Variants in IGFBPL1 observed in about 807,000 individuals in gnomAD.
IGFBPL1 encodes insulin-like growth factor-binding protein-like 1.
Under a neutral mutation model 23.9 loss-of-function variants are expected in IGFBPL1, and 20 were observed. The ratio of observed to expected loss-of-function variants is 0.84; its 90% CI spans 0.59 to 1.22. The LOEUF is 1.22. Ranked by LOEUF, IGFBPL1 falls within the 50% of genes most tolerant of loss-of-function variation. IGFBPL1 has a pLI of 0.00. For synonymous variants in IGFBPL1, 184 were observed against 171.8 expected (o/e 1.07, Z -0.56); for missense variants, 436 against 379.3 (o/e 1.15, Z -1.24).
chr9:38,415,815 G>A (rs1821593106), intron 1 of IGFBPL1, among the ~76,000 whole-genome samples: 1 of 152,116 alleles, frequency 6.6e-6, no homozygotes, highest in Non-Finnish European at 1.5e-5. Flanking sequence ...CATAGCCCCT[G>A]GGTGTCCCAG....
At chr9:38,423,913 G>C in intron 1 of IGFBPL1, 52 bp downstream of exon 1, 2 of 1,315,248 alleles carry the variant, frequency 1.5e-6, no homozygotes, top group African/African-American at 1.5e-5. Flanking sequence ...CCACACCCCA[G>C]AGGGTTGGAA....
chr9:38,423,127 C>T (rs1478344433), intron 1 of IGFBPL1, among the ~76,000 whole-genome samples: 2 of 152,106 alleles, frequency 1.3e-5, no homozygotes, highest in Non-Finnish European at 2.9e-5. Context: ...CTTAGGAAGC[C>T]GGTAAAGCAG....
At chr9:38,416,106 C>T (rs572438010) in intron 1 of IGFBPL1, among the ~76,000 whole-genome samples, 20 of 152,312 alleles carry the variant, frequency 1.3e-4, no homozygotes, top group African/African-American at 3.8e-4. Flanking sequence ...GTCCCGCCAG[C>T]GCCTCCCCAA....
At position 38,424,177 on chromosome 9, in the gene IGFBPL1, C is replaced by T; in HGVS notation, c.248G>A (p.Gly83Glu). Residue 83 changes from glycine to glutamate, a missense_variant, in exon 1 of 5, where the codon GGG (glycine) becomes GAG (glutamate). Transcript: ENST00000377694. ...EGASCGGRAG[G>E]RCGPGLVCAS... ...GCATACCAGGCCGGGGCCACAGCGCCCGCCGGCGCGGCCCCCGCAGCTCGC... is the reference window on the plus strand; with the variant it reads ...GCATACCAGGCCGGGGCCACAGCGCTCGCCGGCGCGGCCCCCGCAGCTCGC... 1 of 1,166,788 alleles carries T rather than the reference C, an allele frequency of 8.6e-7. No homozygotes were observed. The highest frequency in any genetic ancestry group is 4.0e-5 in the East Asian group (1 of 24,794). The allele number at this position is 1,166,788 out of a possible 1,614,324, so 72.3% of individuals were successfully genotyped here.
intron 3 of IGFBPL1, among the ~76,000 whole-genome samples, chr9:38,412,999 C>T (rs78833815): frequency 0.018 from 2,763 of 152,286 alleles, 42 homozygotes; most frequent in Middle Eastern, 0.061. Context: ...CATGTAACAT[C>T]GTACGGTTCT....
At chr9:38,422,925 T>G (rs1270124490) in intron 1 of IGFBPL1, among the ~76,000 whole-genome samples, 1 of 152,112 alleles carries the variant, frequency 6.6e-6, no homozygotes, top group Non-Finnish European at 1.5e-5. Flanking sequence ...TACACTGACT[T>G]AGGCACTAAA....
chr9:38,407,149 A>T lies in IGFBPL1; in HGVS notation c.*2078T>A, dbSNP rs1002712263. Among the ~76,000 whole-genome samples, 3 of 152,194 alleles carry T rather than the reference A, an allele frequency of 2.0e-5. No individual in the cohort carries two copies. Among genetic ancestry groups the T allele is most frequent in the Non-Finnish European group, 4.4e-5 (3 of 68,032 alleles). ...GAGAAGGGAGGGGCGGGAGGGGCTG[A>T]GTGAGGAGTGGATGTGAGCAGGTCC... is the stretch of plus-strand genomic sequence containing the variant. On this transcript the variant is annotated 3_prime_UTR_variant, in exon 5 of 5. Coordinates refer to ENST00000377694, the MANE Select transcript of IGFBPL1 (RefSeq NM_001007563.3).
rs1005836127 is a variant in IGFBPL1 at position 38,408,269 on chromosome 9, A to T, written c.*958T>A. 0.011 allele frequency among the ~76,000 whole-genome samples: 1,612 copies of T among 149,584 alleles called. 38 individuals are homozygous for T. Among genetic ancestry groups the T allele is most frequent in the African/African-American group, 0.037 (1,518 of 40,598 alleles). On this transcript the variant is annotated 3_prime_UTR_variant, in exon 5 of 5. Transcript: ENST00000377694. ...CTGTCTCTACAAAAAAAAAAAAAAA[A>T]AAAAAAAAAATAGCTGGGTGTGGTG...
intron 1 of IGFBPL1, among the ~76,000 whole-genome samples, chr9:38,420,244 C>T (rs1034338841): frequency 6.6e-6 from 1 of 152,210 alleles, no homozygotes; most frequent in Admixed American, 6.5e-5. Context: ...CCTTTCCCAA[C>T]CATCCTACCA....
At chr9:38,412,222 G>A (rs1289972039) in intron 3 of IGFBPL1, among the ~76,000 whole-genome samples, 5 of 152,170 alleles carry the variant, frequency 3.3e-5, no homozygotes, top group Non-Finnish European at 7.3e-5. Flanking sequence ...ACGCGCTGGT[G>A]TACGCACATC....
intron 1 of IGFBPL1, among the ~76,000 whole-genome samples, chr9:38,423,738 G>A (rs1448221190): frequency 6.6e-6 from 1 of 152,148 alleles, no homozygotes; most frequent in African/African-American, 2.4e-5. Context: ...AGTACCAAAA[G>A]GGGTAGCAGG....
In IGFBPL1 at chr9:38,408,817, G is replaced by A. The variant is rs372571098; in HGVS notation, c.*410C>T. On this transcript the variant is annotated 3_prime_UTR_variant, in exon 5 of 5. Transcript: ENST00000377694. ...CAGGTCACACAGCAAGTTACAGTCA[G>A]GCAGAGGACAGCTGGGACCCTCATC... Among the ~76,000 whole-genome samples the A allele has an allele frequency of 7.8e-4, 119 of 152,274 alleles. 1 individual carries two copies. In the Middle Eastern group the frequency reaches 0.01, roughly 13 times the overall value.
chr9:38,418,254 C>T (rs961668609), intron 1 of IGFBPL1, among the ~76,000 whole-genome samples: 3 of 152,190 alleles, frequency 2.0e-5, no homozygotes, highest in African/African-American at 7.2e-5. Context: ...GCGTGGCAGG[C>T]AGGGGTGGAA....
intron 1 of IGFBPL1, among the ~76,000 whole-genome samples, chr9:38,420,402 T>C (rs1047719435): frequency 1.3e-5 from 2 of 152,166 alleles, no homozygotes; most frequent in Non-Finnish European, 2.9e-5. Context: ...CAGTGCTAAA[T>C]AGAGGGACAA....
Position 38,424,069 on chromosome 9 carries a change from C to G in IGFBPL1, c.356G>C (p.Gly119Ala). The G allele has an allele frequency of 7.2e-7, 1 of 1,396,896 alleles. No individual in the cohort carries two copies. Among genetic ancestry groups the G allele is most frequent in the Non-Finnish European group, 9.2e-7 (1 of 1,081,444 alleles). 86.5% of individuals were successfully genotyped at this position (1,396,896 alleles called of 1,614,324 possible). A position where few individuals can be genotyped will look rare whatever the true frequency, so the allele number is the denominator to read the frequency against. Residue 119 changes from glycine (G) to alanine (A), a missense_variant, in exon 1 of 5, where the codon GGT (glycine) becomes GCT (alanine). By Grantham distance (60) the Gly-to-Ala change is moderately conservative. Transcript: ENST00000377694. ...AQRGTVCGSD[G>A]RSYPSVCALR... is the part of the protein sequence containing the mutation. ...CGCGCAGACGCTGGGGTACGAGCGA[C>G]CGTCGGAGCCGCAGACGGTGCCGCG...
chr9:38,424,400 G>A lies in IGFBPL1; in HGVS notation c.25C>T (p.Pro9Ser). MPRLSLLLPLLLLLLLPLL... is the reference protein window; with the variant it reads MPRLSLLLSLLLLLLLPLL... ...GGCAGCAGCAGCAGAAGCAGCAGCG[G>A]CAAGAGCAGAGACAAGCGCGGCATG... Residue 9 changes from proline to serine, a missense_variant, in exon 1 of 5, where the codon CCG (proline) becomes TCG (serine). Pro to Ser is a moderately conservative substitution (Grantham distance 74). Transcript: ENST00000377694. 1 of 632,152 alleles carries A rather than the reference G, an allele frequency of 1.6e-6. No individual in the cohort carries two copies. Among genetic ancestry groups the A allele is most frequent in the Non-Finnish European group, 2.8e-6 (1 of 362,364 alleles). 39.2% of individuals were successfully genotyped at this position (632,152 alleles called of 1,614,324 possible).
chr9:38,415,279 G>A (rs916311627), intron 1 of IGFBPL1, among the ~76,000 whole-genome samples: 2 of 152,200 alleles, frequency 1.3e-5, no homozygotes, highest in Non-Finnish European at 2.9e-5. Flanking sequence ...TTCATTTCCA[G>A]GCCATCAAAC....
intron 1 of IGFBPL1, among the ~76,000 whole-genome samples, chr9:38,423,199 T>C (rs116576789): frequency 0.01 from 1,557 of 152,332 alleles, 26 homozygotes; most frequent in African/African-American, 0.035. Flanking sequence ...GGTGGGCAAC[T>C]ATAGCACTCA....
At chr9:38,421,622 TCA>T (rs763006080) in intron 1 of IGFBPL1, among the ~76,000 whole-genome samples, 6 of 152,162 alleles carry the variant, frequency 3.9e-5, no homozygotes, top group Non-Finnish European at 8.8e-5. Flanking sequence ...CTGCTCTGAC[TCA>T]CAGTCTGTTT....
Sources: gnomAD v4.1 joint callset for allele counts (sites outside exome capture counted in the v4.1 genomes callset) on GRCh38, gnomAD v4.1.1 for gene constraint, MANE v1.5 for transcripts, NCBI Gene and HGNC (gene_info 2026-07-23, HGNC 2026-07-21) for gene names.